The following PRKG1 variants were observed in gnomAD, a reference collection of about 807,000 sequenced individuals.
The protein encoded by PRKG1 is protein kinase cGMP-dependent 1.
A neutral mutation model predicts 88.1 loss-of-function variants in PRKG1; 35 were observed. The observed-to-expected ratio is 0.40, with a 90% confidence interval of 0.30 to 0.53. The LOEUF (loss-of-function observed/expected upper bound fraction) is 0.53, where lower values mean the gene tolerates loss of function less well. PRKG1 is among the 20% of genes least tolerant of loss of function. The probability of loss-of-function intolerance (pLI) is 0.59; values close to 1 mark genes in which losing one functional copy is unlikely to be tolerated. For missense variants in PRKG1, 540 were observed against 839.8 expected, an observed-to-expected ratio of 0.64 and a Z score of 4.41; for synonymous variants, 303 against 292.5, an observed-to-expected ratio of 1.04 and a Z score of -0.37.
At chr10:51,802,027 T>C (rs1419180966) in intron 3 of PRKG1, among the ~76,000 whole-genome samples, 1 of 152,192 alleles carries the variant, frequency 6.6e-6, no homozygotes, top group Non-Finnish European at 1.5e-5. Context: ...TTATTCCCTA[T>C]GGAGATTAAC....
Position 51,545,585 on chromosome 10 carries a change from C to T in PRKG1, c.592+77749C>T, listed in dbSNP as rs532340412. Among the ~76,000 whole-genome samples, 12 of 152,210 alleles carry T rather than the reference C, an allele frequency of 7.9e-5. No homozygotes were observed. The South Asian group carries it at 2.5e-3, about 32-fold the overall frequency. ...AAAAATAACTTACACAGAAGAACAG[C>T]AGCAAAGTAATTCGTTTGAATCCTT... On this transcript the variant is annotated intron_variant, in intron 3 of 17. Transcript: ENST00000373980.
chr10:52,274,019 CTACTTTT>C (rs1254218576), intron 12 of PRKG1, among the ~76,000 whole-genome samples: 1 of 151,942 alleles, frequency 6.6e-6, no homozygotes, highest in African/African-American at 2.4e-5. Flanking sequence ...TTGAAGTCTT[CTACTTTT>C]TTTTCTAATT....
intron 5 of PRKG1, among the ~76,000 whole-genome samples, chr10:52,026,260 AG>A (rs1222849552): frequency 2.6e-5 from 4 of 152,246 alleles, no homozygotes; most frequent in Admixed American, 2.6e-4. Context: ...AATATGGAGT[AG>A]ATTATAATGT....
intron 3 of PRKG1, among the ~76,000 whole-genome samples, chr10:51,488,634 A>C (rs542121998): frequency 6.6e-6 from 1 of 152,218 alleles, no homozygotes; most frequent in African/African-American, 2.4e-5. Flanking sequence ...CTAGGATCCT[A>C]ATCTTTGAAT....
chr10:52,144,618 C>T (rs1277410146), intron 8 of PRKG1, among the ~76,000 whole-genome samples: 1 of 152,098 alleles, frequency 6.6e-6, no homozygotes, highest in Non-Finnish European at 1.5e-5. Context: ...CGAGACCAGC[C>T]TGGCCAACAT....
chr10:51,435,449 A>C (rs1423213866), intron 2 of PRKG1, among the ~76,000 whole-genome samples: 3 of 151,220 alleles, frequency 2.0e-5, no homozygotes, highest in Non-Finnish European at 2.9e-5. Flanking sequence ...TATATGTCAT[A>C]TGACATATAT....
At chr10:51,489,997 T>G (rs565695197) in intron 3 of PRKG1, among the ~76,000 whole-genome samples, 11 of 152,258 alleles carry the variant, frequency 7.2e-5, no homozygotes, top group Admixed American at 2.0e-4. Flanking sequence ...CTGGAAACTT[T>G]TCTTTGAAGA....
intron 3 of PRKG1, among the ~76,000 whole-genome samples, chr10:51,562,390 C>G (rs1837489589): frequency 6.6e-6 from 1 of 152,060 alleles, no homozygotes; most frequent in African/African-American, 2.4e-5. Context: ...AATGAATTAT[C>G]TTACTACTTA....
chr10:51,459,192 A>C (rs1839675211), intron 2 of PRKG1, among the ~76,000 whole-genome samples: 1 of 152,064 alleles, frequency 6.6e-6, no homozygotes, highest in African/African-American at 2.4e-5. Context: ...ATCTTCCCTC[A>C]AGCTTTCATC....
At chr10:51,483,763 T>C (rs1233108475) in intron 3 of PRKG1, among the ~76,000 whole-genome samples, 1 of 152,208 alleles carries the variant, frequency 6.6e-6, no homozygotes, top group Non-Finnish European at 1.5e-5. Flanking sequence ...ATGATATATT[T>C]GGAGTATTCA....
intron 3 of PRKG1, among the ~76,000 whole-genome samples, chr10:51,616,649 G>C (rs1015279328): frequency 2.0e-5 from 3 of 152,162 alleles, no homozygotes; most frequent in African/African-American, 7.2e-5. Flanking sequence ...GTTAGACTGG[G>C]TGAACTTTTC....
chr10:51,363,043 T>C (rs188794801), intron 2 of PRKG1, among the ~76,000 whole-genome samples: 51 of 152,034 alleles, frequency 3.4e-4, no homozygotes, highest in East Asian at 1.9e-3. Context: ...AAAATACAGA[T>C]GCCCTGCCCC....
intron 3 of PRKG1, among the ~76,000 whole-genome samples, chr10:51,785,124 C>CT (rs539528854): frequency 0.15 from 21,393 of 138,110 alleles, 2,052 homozygotes; most frequent in African/African-American, 0.29. Context: ...ATTTCTTCTT[C>CT]TTTTTTTTTT....
chr10:51,562,160 G>A (rs1837480767), intron 3 of PRKG1, among the ~76,000 whole-genome samples: 2 of 151,558 alleles, frequency 1.3e-5, no homozygotes, highest in African/African-American at 4.9e-5. Context: ...GGAGGAGGAG[G>A]TTGCAGTGAG....
intron 3 of PRKG1, among the ~76,000 whole-genome samples, chr10:51,633,453 A>C (rs556302865): frequency 1.1e-4 from 16 of 141,984 alleles, no homozygotes; most frequent in African/African-American, 4.1e-4. Flanking sequence ...CACTTAAAAT[A>C]ATGGACTCAA....
chr10:51,330,356 G>A (rs1841708451), intron 2 of PRKG1, among the ~76,000 whole-genome samples: 1 of 151,784 alleles, frequency 6.6e-6, no homozygotes, highest in African/African-American at 2.4e-5. Context: ...TCACCATGTT[G>A]GCCAGGCTGG....
At chr10:51,482,848 G>A in intron 3 of PRKG1, among the ~76,000 whole-genome samples, 1 of 152,050 alleles carries the variant, frequency 6.6e-6, no homozygotes, top group South Asian at 2.1e-4. Context: ...CTTACATCAG[G>A]TAATATATGT....
At chr10:51,521,202 C>T (rs543321142) in intron 3 of PRKG1, among the ~76,000 whole-genome samples, 3 of 152,222 alleles carry the variant, frequency 2.0e-5, no homozygotes, top group Non-Finnish European at 4.4e-5. Flanking sequence ...GCAGGAGAAT[C>T]GCTTGAACCC....
At chr10:51,792,972 T>C (rs911742155) in intron 3 of PRKG1, among the ~76,000 whole-genome samples, 8 of 151,934 alleles carry the variant, frequency 5.3e-5, no homozygotes, top group African/African-American at 1.9e-4. Context: ...TTTCTTCTAA[T>C]GTCCAGACAT....
Sources: gnomAD v4.1 joint callset for allele counts (sites outside exome capture counted in the v4.1 genomes callset) on GRCh38, gnomAD v4.1.1 for gene constraint, MANE v1.5 for transcripts, NCBI Gene and HGNC (gene_info 2026-07-23, HGNC 2026-07-21) for gene names.